Variants in B3GLCT observed in about 807,000 individuals in gnomAD.
B3GLCT encodes beta-1,3-glucosyltransferase.
In B3GLCT, 65 loss-of-function variants were observed where a neutral mutation model predicts 63.4. That is an observed-to-expected ratio of 1.03 (90% confidence interval 0.84 to 1.26). The LOEUF (loss-of-function observed/expected upper bound fraction) is 1.26. Ranked by LOEUF, B3GLCT falls within the 50% of genes most tolerant of loss-of-function variation. B3GLCT has a pLI of 0.00. For missense variants in B3GLCT, 577 were observed against 604.8 expected, an observed-to-expected ratio of 0.95 and a Z score of 0.48; for synonymous variants, 233 against 219.2, an observed-to-expected ratio of 1.06 and a Z score of -0.55.
At chr13:31,312,970 C>T (rs1874800151) in intron 12 of B3GLCT, 1 of 152,220 alleles carries the variant, frequency 6.6e-6, no homozygotes, top group Admixed American at 6.5e-5. Context: ...TCTAGTCACT[C>T]AGAAACCATC....
intron 2 of B3GLCT, among the ~76,000 whole-genome samples, chr13:31,217,292 G>T (rs964164285): frequency 2.0e-5 from 3 of 151,976 alleles, no homozygotes; most frequent in African/African-American, 7.3e-5. Flanking sequence ...TTTTAAATGG[G>T]GTTGTTTTTT....
In B3GLCT at chr13:31,215,072, A is replaced by T. The variant is rs1869489303; in HGVS notation, c.92A>T (p.Asp31Val). ...CSLAFGLASE[D>V]TKKEVKQSQD... ...CCAGCTTTTGGTTTGGCTTCTGAAG[A>T]TACAAAGAAAGAGGTCAAGCAGTCT... Residue 31 changes from aspartate (D) to valine (V), a missense_variant, in exon 2 of 15, where the codon GAT becomes GTT. Coordinates refer to ENST00000343307, the MANE Select transcript of B3GLCT (RefSeq NM_194318.4). 3 of 1,609,354 alleles carry T rather than the reference A, an allele frequency of 1.9e-6. No homozygotes were observed. The highest frequency in any genetic ancestry group is 2.5e-6 in the Non-Finnish European group (3 of 1,179,426).
At chr13:31,273,243 T>C (rs903344247) in intron 8 of B3GLCT, among the ~76,000 whole-genome samples, 12 of 152,106 alleles carry the variant, frequency 7.9e-5, no homozygotes, top group Non-Finnish European at 1.6e-4. Flanking sequence ...TACAGGCGCG[T>C]GCCACCACGA....
chr13:31,223,701 G>T (rs1869944931), intron 3 of B3GLCT, among the ~76,000 whole-genome samples: 1 of 152,174 alleles, frequency 6.6e-6, no homozygotes, highest in African/African-American at 2.4e-5. Flanking sequence ...TGTCCTTGAA[G>T]GGTGTGAATT....
At chr13:31,314,189 C>T (rs1417388213) in intron 12 of B3GLCT, among the ~76,000 whole-genome samples, 22 of 152,146 alleles carry the variant, frequency 1.4e-4, no homozygotes, top group Admixed American at 6.5e-5. Context: ...AATATGAGGT[C>T]AGAGCCCCCA....
chr13:31,327,098 C>G (rs1214746763), intron 14 of B3GLCT, among the ~76,000 whole-genome samples: 3 of 152,152 alleles, frequency 2.0e-5, no homozygotes, highest in African/African-American at 7.2e-5. Context: ...ATGTTTGAAA[C>G]CTTGGCTATA....
chr13:31,283,122 G>A (rs546370450), intron 10 of B3GLCT: 1 of 152,322 alleles, frequency 6.6e-6, no homozygotes, highest in South Asian at 2.1e-4. Flanking sequence ...AGCGAAAAAG[G>A]ACTGAAAGCC....
At chr13:31,300,686 T>A (rs1403037344) in intron 12 of B3GLCT, among the ~76,000 whole-genome samples, 4 of 152,086 alleles carry the variant, frequency 2.6e-5, no homozygotes, top group African/African-American at 9.7e-5. Flanking sequence ...TGGGTTCAGT[T>A]GGTTACCAGA....
At chr13:31,291,884 T>C (rs1702769520) in intron 12 of B3GLCT, among the ~76,000 whole-genome samples, 1 of 152,210 alleles carries the variant, frequency 6.6e-6, no homozygotes, top group African/African-American at 2.4e-5. Flanking sequence ...GGCATCCTTG[T>C]CTTCTGCCAG....
intron 4 of B3GLCT, among the ~76,000 whole-genome samples, chr13:31,246,560 G>T (rs1871201055): frequency 6.6e-6 from 1 of 152,164 alleles, no homozygotes; most frequent in Non-Finnish European, 1.5e-5. Context: ...TGCACATGAG[G>T]TAGATCAAAT....
At chr13:31,299,529 G>C (rs1874123928) in intron 12 of B3GLCT, among the ~76,000 whole-genome samples, 1 of 152,106 alleles carries the variant, frequency 6.6e-6, no homozygotes, top group Non-Finnish European at 1.5e-5. Context: ...TGCCAGCTTT[G>C]TTTAGGACCT....
At chr13:31,321,634 A>G (rs753400975) in intron 13 of B3GLCT, among the ~76,000 whole-genome samples, 2 of 152,112 alleles carry the variant, frequency 1.3e-5, no homozygotes, top group East Asian at 1.9e-4. Flanking sequence ...GTTTTTGAAA[A>G]CCACTACCTT....
At chr13:31,317,779 C>T (rs1468148412) in intron 13 of B3GLCT, 94 bp downstream of exon 13, 19 of 1,467,152 alleles carry the variant, frequency 1.3e-5, no homozygotes, top group East Asian at 4.6e-5. Flanking sequence ...CTATACTGTA[C>T]GTGAGTACTC....
intron 6 of B3GLCT, among the ~76,000 whole-genome samples, chr13:31,255,089 A>T (rs1334625376): frequency 6.6e-6 from 1 of 151,990 alleles, no homozygotes; most frequent in Non-Finnish European, 1.5e-5. Flanking sequence ...CCTTAAGCTG[A>T]TAAGCAACTT....
intron 10 of B3GLCT, among the ~76,000 whole-genome samples, chr13:31,279,990 C>T (rs1327405909): frequency 6.6e-6 from 1 of 152,148 alleles, no homozygotes; most frequent in Non-Finnish European, 1.5e-5. Flanking sequence ...GGCAGACAGA[C>T]TTTAAGGGTA....
intron 1 of B3GLCT, among the ~76,000 whole-genome samples, chr13:31,202,478 C>T (rs1233669308): frequency 3.3e-5 from 5 of 152,144 alleles, no homozygotes; most frequent in South Asian, 2.1e-4. Context: ...ATACTGATCC[C>T]GTTGTAGCAG....
At chr13:31,203,996 A>G (rs1324617142) in intron 1 of B3GLCT, among the ~76,000 whole-genome samples, 1 of 152,240 alleles carries the variant, frequency 6.6e-6, no homozygotes, top group Non-Finnish European at 1.5e-5. Context: ...TGTGTCAGGC[A>G]TCGTGATATT....
chr13:31,326,025 T>A (rs1875585731), intron 14 of B3GLCT, among the ~76,000 whole-genome samples: 1 of 152,186 alleles, frequency 6.6e-6, no homozygotes, highest in South Asian at 2.1e-4. Flanking sequence ...CTTCCAAAAT[T>A]ATGTGCCACT....
Position 31,208,572 on chromosome 13 carries a change from C to A in B3GLCT, c.71-6479C>A, listed in dbSNP as rs932532378. Among the ~76,000 whole-genome samples the A allele has an allele frequency of 1.2e-4, 17 of 146,706 alleles. 3 individuals are homozygous for A. Among genetic ancestry groups the A allele is most frequent in the Admixed American group, 6.1e-4 (9 of 14,780 alleles). ...GGCCCTCCCTTCCCGTCTCACCCCC[C>A]ACCCGGGTGCTCTGTCTCAGAGCCT... On this transcript the variant is annotated intron_variant, in intron 1 of 14. Coordinates refer to ENST00000343307, the MANE Select transcript of B3GLCT (RefSeq NM_194318.4).
Sources: gnomAD v4.1 joint callset for allele counts (sites outside exome capture counted in the v4.1 genomes callset) on GRCh38, gnomAD v4.1.1 for gene constraint, MANE v1.5 for transcripts, NCBI Gene and HGNC (gene_info 2026-07-23, HGNC 2026-07-21) for gene names.